ST7: variants seen among roughly 807,000 people sequenced by gnomAD.
The protein encoded by ST7 is suppression of tumorigenicity 7, also known as suppressor of tumorigenicity 7 protein.
ST7 carries 28 observed loss-of-function variants against 78.7 expected under a neutral mutation model. The observed-to-expected ratio is 0.36, with a 90% confidence interval of 0.26 to 0.49. The LOEUF is 0.49. Ranked by LOEUF, ST7 falls within the 20% of genes least tolerant of loss-of-function variation. The pLI is 0.99. For synonymous variants in ST7, 247 were observed against 249.6 expected (o/e 0.99, Z 0.10); for missense variants, 418 against 696.0 (o/e 0.60, Z 4.49).
chr7:117,062,118 TGGGAGAGA>T (rs1411187520), intron 1 of ST7, among the ~76,000 whole-genome samples: 3 of 151,880 alleles, frequency 2.0e-5, no homozygotes, highest in Non-Finnish European at 4.4e-5. Context: ...GGGGGAAAGG[TGGGAGAGA>T]GGGAGAGAGG....
chr7:116,977,882 C>T (rs1766176774), intron 1 of ST7, among the ~76,000 whole-genome samples: 1 of 152,158 alleles, frequency 6.6e-6, no homozygotes, highest in Non-Finnish European at 1.5e-5. Flanking sequence ...GAAGCACAGG[C>T]CATACCTGAA....
intron 2 of ST7, chr7:117,112,763 C>T (rs1802538088): frequency 6.6e-6 from 1 of 152,202 alleles, no homozygotes; most frequent in African/African-American, 2.4e-5. Context: ...CAAGCTGTGT[C>T]ATCTCTGAAG....
At chr7:117,210,839 T>G (rs1299711934) in intron 13 of ST7, among the ~76,000 whole-genome samples, 3 of 152,214 alleles carry the variant, frequency 2.0e-5, no homozygotes, top group South Asian at 2.1e-4. Flanking sequence ...AGCATTAATT[T>G]TAGCAAAACA....
chr7:117,050,281 A>G (rs952416782), intron 1 of ST7, among the ~76,000 whole-genome samples: 1 of 152,160 alleles, frequency 6.6e-6, no homozygotes, highest in Non-Finnish European at 1.5e-5. Flanking sequence ...TGCTGTGATG[A>G]GCAATTCACT....
intron 1 of ST7, chr7:117,020,526 T>C (rs1307404701): frequency 2.0e-6 from 3 of 1,522,236 alleles, no homozygotes; most frequent in Admixed American, 4.0e-5. Flanking sequence ...CACTCTCACA[T>C]GTACACTCTC....
chr7:117,092,385 G>A (rs761794046), intron 1 of ST7, among the ~76,000 whole-genome samples: 4 of 150,490 alleles, frequency 2.7e-5, no homozygotes, highest in East Asian at 2.0e-4. Flanking sequence ...TCACTTTAGC[G>A]TTTGTCTGTC....
chr7:116,974,044 A>C (rs888480533), intron 1 of ST7, among the ~76,000 whole-genome samples: 2 of 152,168 alleles, frequency 1.3e-5, no homozygotes, highest in Non-Finnish European at 2.9e-5. Flanking sequence ...AAATGCCAGC[A>C]GGAGGAATAT....
chr7:116,987,533 A>G (rs986118867), intron 1 of ST7, among the ~76,000 whole-genome samples: 1 of 152,234 alleles, frequency 6.6e-6, no homozygotes, highest in African/African-American at 2.4e-5. Flanking sequence ...AACTTCAGAC[A>G]TACTGATTTT....
At chr7:116,981,320 G>A (rs940867861) in intron 1 of ST7, among the ~76,000 whole-genome samples, 5 of 152,036 alleles carry the variant, frequency 3.3e-5, no homozygotes, top group African/African-American at 1.2e-4. Flanking sequence ...ATTTTGCCCA[G>A]GCTGGTCTCA....
intron 1 of ST7, among the ~76,000 whole-genome samples, chr7:116,994,476 T>C (rs1794562258): frequency 6.6e-6 from 1 of 152,202 alleles, no homozygotes; most frequent in South Asian, 2.1e-4. Flanking sequence ...AACTGACCGG[T>C]GATTTTTATG....
intron 1 of ST7, among the ~76,000 whole-genome samples, chr7:117,074,966 A>G (rs75352875): frequency 6.6e-6 from 1 of 152,302 alleles, no homozygotes; most frequent in East Asian, 1.9e-4. Context: ...TGCTATCACA[A>G]TTTGGGTTAG....
intron 2 of ST7, among the ~76,000 whole-genome samples, chr7:117,104,114 G>T (rs1801772714): frequency 6.6e-6 from 1 of 152,136 alleles, no homozygotes; most frequent in Non-Finnish European, 1.5e-5. Context: ...GGGACTGCAG[G>T]CATGTGCCAC....
intron 12 of ST7, among the ~76,000 whole-genome samples, chr7:117,204,946 T>C (rs1477789061): frequency 6.6e-6 from 1 of 152,212 alleles, no homozygotes; most frequent in East Asian, 1.9e-4. Flanking sequence ...ATATGCCTTA[T>C]AGTCCCAGTA....
chr7:117,061,061 A>G (rs1242779158), intron 1 of ST7, among the ~76,000 whole-genome samples: 1 of 152,134 alleles, frequency 6.6e-6, no homozygotes, highest in Non-Finnish European at 1.5e-5. Context: ...AAATAAATCC[A>G]ATTCCTGCCC....
chr7:116,994,864 T>C (rs1794580742), intron 1 of ST7, among the ~76,000 whole-genome samples: 1 of 152,256 alleles, frequency 6.6e-6, no homozygotes, highest in Admixed American at 6.5e-5. Context: ...GATTGCATGA[T>C]GTACCAGTCC....
chr7:117,098,623 T>C (rs538324696), intron 1 of ST7: 1 of 316,674 alleles, frequency 3.2e-6, no homozygotes, highest in East Asian at 1.1e-4. Flanking sequence ...AGAAAAATAT[T>C]TGTTGAATGA....
At chr7:117,195,895 T>C (rs1010370366) in intron 12 of ST7, among the ~76,000 whole-genome samples, 1 of 152,176 alleles carries the variant, frequency 6.6e-6, no homozygotes, top group African/African-American at 2.4e-5. Flanking sequence ...AACTCTATTC[T>C]TATTGAACAG....
rs1584701975 is a variant in ST7 at position 117,115,297 on chromosome 7, C to G, written c.235-4264C>G. ...CCAAAATAGAATGTCTCCCCCTATT[C>G]ATTCTTCTTTCTCTTTCTTCCTATC... is the stretch of plus-strand genomic sequence containing the variant. On this transcript the variant is annotated intron_variant, in intron 2 of 15. Transcript: ENST00000323984. Among the ~76,000 whole-genome samples, 7 of 151,932 alleles carry G rather than the reference C, an allele frequency of 4.6e-5. No individual in the cohort carries two copies. In the South Asian group the frequency reaches 1.0e-3, roughly 23 times the overall value.
At position 117,140,783 on chromosome 7, in the gene ST7, G is replaced by T. The variant is rs866786898; in HGVS notation, c.963+2251G>T. On this transcript the variant is annotated intron_variant, in intron 9 of 15. Transcript: ENST00000323984. ...TTTTTCTGGGTTTATGGAGCATCCAGTAGACATGGGCCTTCTGGTATAACA... is the reference window on the plus strand; with the variant it reads ...TTTTTCTGGGTTTATGGAGCATCCATTAGACATGGGCCTTCTGGTATAACA... Among the ~76,000 whole-genome samples, 5 of 152,256 alleles carry T rather than the reference G, an allele frequency of 3.3e-5. 1 individual carries two copies. The Middle Eastern group carries it at 0.014, about 414-fold the overall frequency.
Sources: allele counts gnomAD v4.1 joint callset (sites outside exome capture counted in the v4.1 genomes callset), GRCh38; gene constraint gnomAD v4.1.1; transcripts MANE v1.5; gene names NCBI Gene and HGNC (gene_info 2026-07-23, HGNC 2026-07-21).